The following CHD8 variants were observed in gnomAD, a reference collection of about 807,000 sequenced individuals.
CHD8 encodes chromodomain helicase DNA binding protein 8.
CHD8 carries 31 observed loss-of-function variants against 279.2 expected under a neutral mutation model. The observed-to-expected ratio is 0.11, with a 90% CI of 0.08 to 0.15. CHD8 has a LOEUF of 0.15. Ranked by LOEUF, CHD8 falls within the 10% of genes least tolerant of loss-of-function variation. The pLI is 1.00. For missense variants in CHD8, 2,146 were observed against 3,230.5 expected (o/e 0.66, Z 8.14); for synonymous variants, 1,081 against 1,139.6 (o/e 0.95, Z 1.04).
Position 21,408,220 on chromosome 14 carries a change from TA to T in CHD8, c.2730+91del. On this transcript the variant is annotated intron_variant, in intron 13 of 37. Transcript: ENST00000646647. The surrounding 1 kb of genome is among the most constrained non-coding windows in gnomAD (Gnocchi z 4.3). ...GCATAGGCATATTGAAGACTTTCAA[TA>T]AAAGTCTTCTATTCATATATAGCCC... The T allele has an allele frequency of 6.8e-7, 1 of 1,461,332 alleles. No individual in the cohort carries two copies. Among genetic ancestry groups the T allele is most frequent in the Non-Finnish European group, 9.2e-7 (1 of 1,087,132 alleles). 90.5% of individuals were successfully genotyped at this position (1,461,332 alleles called of 1,614,324 possible).
chr14:21,424,225 C>G (rs1889193330), intron 5 of CHD8, among the ~76,000 whole-genome samples: 1 of 152,234 alleles, frequency 6.6e-6, no homozygotes, highest in African/African-American at 2.4e-5. Flanking sequence ...CCAGCTTTTC[C>G]TAAATGGTTA....
At chr14:21,389,879 G>A (rs541680317) in intron 37 of CHD8, among the ~76,000 whole-genome samples, 1 of 152,144 alleles carries the variant, frequency 6.6e-6, no homozygotes, top group South Asian at 2.1e-4. Flanking sequence ...TTTATATATT[G>A]GGAAATCTCA....
chr14:21,408,269 CG>C lies in CHD8; in HGVS notation c.2730+42del. The C allele has an allele frequency of 6.3e-7, 1 of 1,591,060 alleles. No individual in the cohort carries two copies. The highest frequency in any genetic ancestry group is 1.3e-5 in the African/African-American group (1 of 74,730). On this transcript the variant is annotated intron_variant, in intron 13 of 37. Transcript: ENST00000646647. This position sits in a 1 kb window ranked among gnomAD's most constrained non-coding sequence, Gnocchi z 4.3. ...CCCTTAAAATACCAGGTACCTTGGC[CG>C]ACTTTCTCTAACTCATAGTATTCCC...
intron 5 of CHD8, among the ~76,000 whole-genome samples, chr14:21,423,472 C>G (rs954138064): frequency 6.6e-6 from 1 of 152,044 alleles, no homozygotes; most frequent in Admixed American, 6.6e-5. Context: ...TCTTAAGGGT[C>G]CCCCCTCTCA....
Position 21,449,628 on chromosome 14 carries a change from G to A in CHD8, c.-216+6404C>T, listed in dbSNP as rs939883994. Among the ~76,000 whole-genome samples the A allele has an allele frequency of 3.5e-4, 53 of 152,248 alleles. 2 individuals carry two copies. ...TCTTTAACATCATAACCATGAAACA[G>A]ATTTCAACCAGCACTTGTGATCTAG... On this transcript the variant is annotated intron_variant, in intron 1 of 37. Transcript: ENST00000646647.
Position 21,406,811 on chromosome 14 carries a change from G to A in CHD8, c.2907+45C>T, listed in dbSNP as rs138832292. 186 of 1,521,356 alleles carry A rather than the reference G, an allele frequency of 1.2e-4. 1 individual carries two copies. The East Asian group carries it at 3.6e-3, about 30-fold the overall frequency. The allele number at this position is 1,521,356 out of a possible 1,614,324, so 94.2% of individuals were successfully genotyped here. Reference sequence around the variant, plus strand: ...TTATTTTAATACCGCAAGGAATTACGGTTTATTCCAGGTGTTTCTGCTCAC... The same window carrying A: ...TTATTTTAATACCGCAAGGAATTACAGTTTATTCCAGGTGTTTCTGCTCAC... On this transcript the variant is annotated intron_variant, in intron 14 of 37. Transcript: ENST00000646647.
intron 26 of CHD8, chr14:21,399,025 AG>A: frequency 2.5e-6 from 1 of 406,910 alleles, no homozygotes; most frequent in Non-Finnish European, 4.9e-6. Context: ...CACGACAAGG[AG>A]GGCATCCCAC....
rs375119574 is a variant in CHD8, at chr14:21,440,351, C to T, written c.-215-8493G>A. On this transcript the variant is annotated intron_variant, in intron 1 of 37. Coordinates refer to ENST00000646647, the MANE Select transcript of CHD8 (RefSeq NM_001170629.2). ...CCTCCCGGGTAGCTGGGATTACAGG[C>T]GTCCACCACCATGCCCGGCTAATTT... Among the ~76,000 whole-genome samples, 6 of 152,036 alleles carry T rather than the reference C, an allele frequency of 3.9e-5. No homozygotes were observed. In the East Asian group the frequency reaches 7.7e-4, roughly 20 times the overall value.
At position 21,390,522 on chromosome 14, in the gene CHD8, G is replaced by A. The variant is rs577145665; in HGVS notation, c.7182+425C>T. On this transcript the variant is annotated intron_variant, in intron 37 of 37. Transcript: ENST00000646647. ...GCCAGGTGCAGTGTGGCTCAGGCCT[G>A]TAATCCCAACACTTTGGGAGGCCGA... Among the ~76,000 whole-genome samples, 4 of 152,316 alleles carry A rather than the reference G, an allele frequency of 2.6e-5. 1 individual carries two copies. The highest frequency in any genetic ancestry group is 9.6e-5 in the African/African-American group (4 of 41,586).
At chr14:21,447,544 G>T (rs1467822996) in intron 1 of CHD8, among the ~76,000 whole-genome samples, 1 of 151,936 alleles carries the variant, frequency 6.6e-6, no homozygotes, top group Non-Finnish European at 1.5e-5. Flanking sequence ...GCTAATTTTT[G>T]TATTTTTAGT....
intron 30 of CHD8, chr14:21,394,694 A>T (rs1887701290): frequency 1.6e-6 from 1 of 635,658 alleles, no homozygotes; most frequent in African/African-American, 1.8e-5. Context: ...GAAAAGACAC[A>T]GACAAATATC....
chr14:21,455,156 AAGAC>A (rs1159358260), intron 1 of CHD8: 11 of 152,230 alleles, frequency 7.2e-5, no homozygotes, highest in African/African-American at 2.7e-4. Flanking sequence ...TTAATAGAAA[AAGAC>A]AGAGTTCTAA....
At position 21,415,713 on chromosome 14, in the gene CHD8, T is replaced by C. The variant is rs1167725222; in HGVS notation, c.1899+12A>G. On this transcript the variant is annotated intron_variant, in intron 6 of 37. Transcript: ENST00000646647. ...AGGCAATCCTCTGAAATCATTTGAG[T>C]TTACAGCTTACCACAAAGAACTGCA... is the stretch of plus-strand genomic sequence containing the variant. 1 of 1,613,676 alleles carries C rather than the reference T, an allele frequency of 6.2e-7. No homozygotes were observed. The highest frequency in any genetic ancestry group is 1.3e-5 in the African/African-American group (1 of 75,020).
At chr14:21,437,277 A>C in intron 1 of CHD8, 1 of 1,143,578 alleles carries the variant, frequency 8.7e-7, no homozygotes, top group Non-Finnish European at 1.1e-6. Context: ...ACCTAACCTG[A>C]TGCTCCTGCC....
At chr14:21,438,994 G>A (rs991827517) in intron 1 of CHD8, among the ~76,000 whole-genome samples, 1 of 152,066 alleles carries the variant, frequency 6.6e-6, no homozygotes, top group Admixed American at 6.5e-5. Flanking sequence ...GGGAGTGGTG[G>A]CACTCACCTG....
In CHD8 at chr14:21,430,893, G is replaced by T. The variant is rs1889536764; in HGVS notation, c.751C>A (p.Gln251Lys). ...PSRPVKQLVL[Q>K]PVKGSAPAGN... Reference sequence around the variant, plus strand: ...GCAGGAGCTGAACCCTTAACTGGCTGGAGGACCAGCTGCTTTACTGGTCGG... The same window carrying T: ...GCAGGAGCTGAACCCTTAACTGGCTTGAGGACCAGCTGCTTTACTGGTCGG... Residue 251 changes from glutamine (Q) to lysine (K), a missense_variant, in exon 2 of 38, where the codon CAG becomes AAG. Physicochemically the swap from Gln to Lys is moderately conservative, Grantham distance 53. Transcript: ENST00000646647. 3 of 1,599,260 alleles carry T rather than the reference G, an allele frequency of 1.9e-6. No individual in the cohort carries two copies. The African/African-American group carries it at 4.0e-5, about 21-fold the overall frequency.
chr14:21,411,696 TA>T (rs553062718), intron 10 of CHD8, among the ~76,000 whole-genome samples: 147 of 151,470 alleles, frequency 9.7e-4, no homozygotes, highest in African/African-American at 3.3e-3. Flanking sequence ...GTTTATAGCC[TA>T]AAAAAAAATT....
At position 21,414,332 on chromosome 14, in the gene CHD8, T is replaced by C. The variant is rs527745682; in HGVS notation, c.2111A>G (p.Lys704Arg). The change falls in exon 9 of 38, where the codon AAA becomes AGA. Residue 704 changes from lysine to arginine, a missense_variant. Around this residue, in one of 26 missense-constraint regions of CHD8, gnomAD observed 211 missense variants for 464.7 expected, o/e 0.45. Transcript: ENST00000646647. ...IHQKLKRFKT[K>R]MAQMRHFFHE... ...GAAGAAGTGTCTCATCTGAGCCATT[T>C]TGGTTTTGAAGCGCTTTAATTTTTG... 4.5e-6 allele frequency: 7 copies of C among 1,562,018 alleles called. No individual in the cohort carries two copies. Among genetic ancestry groups the C allele is most frequent in the South Asian group, 3.5e-5 (3 of 85,580 alleles).
chr14:21,430,816 G>A lies in CHD8; in HGVS notation c.828C>T (p.Thr276=). The stretch of plus-strand genomic sequence containing the variant: ...CTCAAGTCACCTGGGTAGGTGTAGA[G>A]GTCAGTGTAACTGCAGGCTTCAGTG... ...GPPLKPAVTL[T]STPTQGESKR... Residue 276 remains threonine, a synonymous_variant, in exon 2 of 38, where the codon ACC becomes ACT. Coordinates refer to ENST00000646647, the MANE Select transcript of CHD8 (RefSeq NM_001170629.2). 2 of 1,596,854 alleles carry A rather than the reference G, an allele frequency of 1.3e-6. No individual in the cohort carries two copies. The highest frequency in any genetic ancestry group is 1.7e-6 in the Non-Finnish European group (2 of 1,178,130).
Sources: allele counts gnomAD v4.1 joint callset (sites outside exome capture counted in the v4.1 genomes callset), GRCh38; gene constraint gnomAD v4.1.1; regional missense constraint gnomAD v4.1.1; non-coding constraint Gnocchi (gnomAD v3.1); transcripts MANE v1.5; gene names NCBI Gene and HGNC (gene_info 2026-07-23, HGNC 2026-07-21).